Variants in DAPK2 observed in about 807,000 individuals in gnomAD.
DAPK2 encodes the protein death associated protein kinase 2.
Under a neutral mutation model 44.1 loss-of-function variants are expected in DAPK2, and 35 were observed. The observed-to-expected ratio is 0.79, with a 90% CI of 0.61 to 1.05. DAPK2 has a LOEUF of 1.05. Among genes scored for constraint, DAPK2 ranks in the 50% least tolerant of loss-of-function variants. The pLI, the probability that DAPK2 is intolerant of heterozygous loss-of-function variation, is 0.00. For synonymous variants in DAPK2, 174 were observed against 182.6 expected (o/e 0.95, Z 0.38); for missense variants, 453 against 483.2 (o/e 0.94, Z 0.59).
At position 64,046,266 on chromosome 15, in the gene DAPK2, G is replaced by T; in HGVS notation, c.-7+32C>A. 2.1e-6 allele frequency: 2 copies of T among 955,084 alleles called. No homozygotes were observed. Among genetic ancestry groups the T allele is most frequent in the Non-Finnish European group, 2.5e-6 (2 of 802,756 alleles). 59.2% of individuals were successfully genotyped at this position (955,084 alleles called of 1,614,324 possible). A position where few individuals can be genotyped will look rare whatever the true frequency, so the allele number is the denominator to read the frequency against. On this transcript the variant is annotated intron_variant, in intron 1 of 11. Coordinates refer to the DAPK2 transcript ENST00000457488. This position sits in a 1 kb window ranked among gnomAD's most constrained non-coding sequence, Gnocchi z 5.3. ...GCCGTCAGGCCGCGCGCCCCGTCCC[G>T]CCCATCGAGCCCGCAGACGGGTGCT... is the stretch of plus-strand genomic sequence containing the variant.
chr15:63,989,371 T>TA (rs970379613), intron 1 of DAPK2, among the ~76,000 whole-genome samples: 27 of 151,368 alleles, frequency 1.8e-4, no homozygotes, highest in Middle Eastern at 3.2e-3. Context: ...ACTCCGTCTC[T>TA]AAAAAAAAGC....
At chr15:63,972,915 A>T (rs1462103849) in intron 2 of DAPK2, among the ~76,000 whole-genome samples, 1 of 152,228 alleles carries the variant, frequency 6.6e-6, no homozygotes, top group African/African-American at 2.4e-5. Context: ...GGTGCTATTC[A>T]TCAAGACAAT....
At chr15:64,007,927 C>T (rs899422005) in intron 1 of DAPK2, among the ~76,000 whole-genome samples, 4 of 152,136 alleles carry the variant, frequency 2.6e-5, no homozygotes, top group South Asian at 4.1e-4. Context: ...CACAAAGGAC[C>T]GCATGTTGTA....
intron 1 of DAPK2, among the ~76,000 whole-genome samples, chr15:64,000,196 C>T (rs1305863221): frequency 2.0e-5 from 3 of 151,686 alleles, no homozygotes; most frequent in Non-Finnish European, 2.9e-5. Context: ...TACACACACA[C>T]ACACACACAC....
chr15:63,991,847 A>G (rs1191583593), intron 1 of DAPK2, among the ~76,000 whole-genome samples: 1 of 152,188 alleles, frequency 6.6e-6, no homozygotes, highest in Non-Finnish European at 1.5e-5. Context: ...CATGTAGGCT[A>G]AGTACCAGGA....
At chr15:63,983,561 G>A (rs2078587242) in exon 2 of DAPK2, 17 of 1,614,196 alleles carry the variant, frequency 1.1e-5, no homozygotes, top group South Asian at 3.3e-5. Context: ...ACGTCGGTGC[G>A]GTTCTCATAG....
intron 1 of DAPK2, among the ~76,000 whole-genome samples, chr15:63,993,960 G>C (rs1173817934): frequency 6.6e-6 from 1 of 152,122 alleles, no homozygotes; most frequent in East Asian, 1.9e-4. Context: ...ATGGGTCCAG[G>C]CTACTGACAT....
chr15:64,015,202 C>T (rs1223438754), intron 1 of DAPK2, among the ~76,000 whole-genome samples: 1 of 152,176 alleles, frequency 6.6e-6, no homozygotes, highest in East Asian at 1.9e-4. Context: ...CCCACAGGGC[C>T]CTGCCATGCC....
chr15:64,006,029 C>A lies in DAPK2; in HGVS notation c.93-22275G>T, dbSNP rs2079217454. Among the ~76,000 whole-genome samples, 3 of 143,538 alleles carry A rather than the reference C, an allele frequency of 2.1e-5. No individual in the cohort carries two copies. In the South Asian group the frequency reaches 6.8e-4, roughly 32 times the overall value. The allele number at this position is 143,538 out of a possible 152,430, so 94.2% of individuals were successfully genotyped here. ...TCCAGCCTGGGTGACAGAGCCAGAT[C>A]CTGACTCAAAAAAAAAAAAAAAAAA... On this transcript the variant is annotated intron_variant, in intron 1 of 10. Transcript: ENST00000261891.
rs1168273972 is a variant in DAPK2 at position 64,013,541 on chromosome 15, C to T, written c.92+26629G>A. 6.6e-6 allele frequency among the ~76,000 whole-genome samples: 1 copy of T among 152,166 alleles called. No individual in the cohort carries two copies. The highest frequency in any genetic ancestry group is 1.5e-5 in the Non-Finnish European group (1 of 68,014). On this transcript the variant is annotated intron_variant, in intron 1 of 10. Coordinates refer to ENST00000261891, the Ensembl canonical transcript of DAPK2. The surrounding 1 kb of genome is among the most constrained non-coding windows in gnomAD (Gnocchi z 4.7). Reference sequence around the variant, plus strand: ...AAAACATGAGGAGAAGGGGCAAGAACTTTAAAAGTAGAAAAACCTAAGGGC... The same window carrying T: ...AAAACATGAGGAGAAGGGGCAAGAATTTTAAAAGTAGAAAAACCTAAGGGC...
chr15:64,016,828 GA>G (rs2079540008), intron 1 of DAPK2, among the ~76,000 whole-genome samples: 1 of 112,264 alleles, frequency 8.9e-6, no homozygotes, highest in Non-Finnish European at 1.9e-5. Context: ...GAAGGGGAAG[GA>G]AGGAAGGAGG....
At chr15:63,948,970 C>T (rs28737203) in intron 3 of DAPK2, among the ~76,000 whole-genome samples, 46,151 of 152,054 alleles carry the variant, frequency 0.3, 7,688 homozygotes, top group Non-Finnish European at 0.36. Flanking sequence ...CACAGGCTGA[C>T]CCCAAATCCT....
At chr15:64,005,445 C>T (rs765702004) in intron 1 of DAPK2, among the ~76,000 whole-genome samples, 3 of 151,294 alleles carry the variant, frequency 2.0e-5, no homozygotes, top group Non-Finnish European at 4.4e-5. Flanking sequence ...CCAAGAATAT[C>T]ATGTGCAGTT....
intron 1 of DAPK2, among the ~76,000 whole-genome samples, chr15:64,000,044 A>T (rs1213624588): frequency 1.3e-5 from 2 of 152,146 alleles, no homozygotes; most frequent in Non-Finnish European, 2.9e-5. Flanking sequence ...CATTACAGGC[A>T]TGAGCCACCA....
chr15:63,965,258 T>C (rs1174830439), intron 3 of DAPK2, among the ~76,000 whole-genome samples: 1 of 152,202 alleles, frequency 6.6e-6, no homozygotes, highest in African/African-American at 2.4e-5. Flanking sequence ...AAAAATTATC[T>C]GGTTTAGGAG....
intron 1 of DAPK2, among the ~76,000 whole-genome samples, chr15:63,996,897 C>T (rs892535440): frequency 1.3e-5 from 2 of 152,200 alleles, no homozygotes; most frequent in Non-Finnish European, 2.9e-5. Context: ...TGCCCCCACG[C>T]TTGCAGGTGG....
intron 1 of DAPK2, among the ~76,000 whole-genome samples, chr15:64,017,484 T>A (rs1237290099): frequency 6.6e-6 from 1 of 152,170 alleles, no homozygotes; most frequent in Non-Finnish European, 1.5e-5. Context: ...GGTCTCAAGG[T>A]GCTTGCATCT....
exon 1 of DAPK2, chr15:64,040,177 G>C: frequency 6.2e-7 from 1 of 1,613,498 alleles, no homozygotes; most frequent in Non-Finnish European, 8.5e-7. Context: ...TACCTCCCCA[G>C]CTCCTCTCCG....
chr15:64,009,937 G>A (rs1290164377), intron 1 of DAPK2, among the ~76,000 whole-genome samples: 2 of 152,168 alleles, frequency 1.3e-5, no homozygotes, highest in African/African-American at 4.8e-5. Context: ...AGTTTCCAGT[G>A]GCACAAAGGC....
Sources: allele counts gnomAD v4.1 joint callset (sites outside exome capture counted in the v4.1 genomes callset), GRCh38; gene constraint gnomAD v4.1.1; non-coding constraint Gnocchi (gnomAD v3.1); transcripts MANE v1.5; gene names NCBI Gene and HGNC (gene_info 2026-07-23, HGNC 2026-07-21).